Variants in HIVEP2 observed in about 807,000 individuals in gnomAD.
HIVEP2 encodes the protein HIVEP zinc finger 2.
A neutral mutation model predicts 180.7 loss-of-function variants in HIVEP2; 14 were observed. That is an observed-to-expected ratio of 0.08 (90% CI 0.05 to 0.12). HIVEP2 has a LOEUF of 0.12. Ranked by LOEUF, HIVEP2 falls within the 10% of genes least tolerant of loss-of-function variation. The probability of loss-of-function intolerance (pLI) is 1.00; values close to 1 mark genes in which losing one functional copy is unlikely to be tolerated. For synonymous variants in HIVEP2, 1,184 were observed against 1,136.4 expected, an observed-to-expected ratio of 1.04 and a Z score of -0.84; for missense variants, 2,579 against 3,008.5, an observed-to-expected ratio of 0.86 and a Z score of 3.34.
intron 1 of HIVEP2, among the ~76,000 whole-genome samples, chr6:142,907,601 C>A (rs1777299142): frequency 6.6e-6 from 1 of 152,196 alleles, no homozygotes; most frequent in Non-Finnish European, 1.5e-5. Context: ...TTTGCCTCTA[C>A]CCTACTCCAG....
rs1267654842 is a variant in HIVEP2 at position 142,770,845 on chromosome 6, T to A, written c.3894A>T (p.Pro1298=). The change falls in exon 5 of 10, where the codon CCA becomes CCT. Residue 1298 remains proline, a synonymous_variant. Coordinates refer to ENST00000367603, the MANE Select transcript of HIVEP2 (RefSeq NM_006734.4). The surrounding 1 kb of genome is among the most constrained non-coding windows in gnomAD (Gnocchi z 4.7). ...CAGTTGACTTACTGCTCTGGTCTGA[T>A]GGAAACTTTGGAAGAAGGTTCTTTG... ...LHPKNLLPKF[P]SDQSSKSTET... 6.2e-7 allele frequency: 1 copy of A among 1,614,120 alleles called. No individual in the cohort carries two copies. The highest frequency in any genetic ancestry group is 2.2e-5 in the East Asian group (1 of 44,890).
chr6:142,768,029 A>C (rs573072034), intron 6 of HIVEP2, among the ~76,000 whole-genome samples: 7 of 152,374 alleles, frequency 4.6e-5, no homozygotes, highest in African/African-American at 1.4e-4. Context: ...AGCATACAAT[A>C]AAAATATGTC....
At chr6:142,937,374 A>G (rs1427754293) in intron 1 of HIVEP2, among the ~76,000 whole-genome samples, 2 of 152,222 alleles carry the variant, frequency 1.3e-5, no homozygotes, top group Admixed American at 1.3e-4. Context: ...CATAGCTACC[A>G]GGTATTAAAC....
chr6:142,893,672 G>A (rs922288132), intron 1 of HIVEP2, among the ~76,000 whole-genome samples: 1 of 152,200 alleles, frequency 6.6e-6, no homozygotes, highest in African/African-American at 2.4e-5. Flanking sequence ...GGCATGAAGA[G>A]CAGTGGGAAC....
chr6:142,822,878 A>G lies in HIVEP2; in HGVS notation c.-528+14057T>C, dbSNP rs139097993. 4.8e-3 allele frequency among the ~76,000 whole-genome samples: 726 copies of G among 152,318 alleles called. 5 individuals carry two copies. Among genetic ancestry groups the G allele is most frequent in the African/African-American group, 0.016 (683 of 41,562 alleles). ...CTTGGAAATGAGTTACCCAAACACT[A>G]TCAAGCCCTACCAGCCTACAGGCAA... On this transcript the variant is annotated intron_variant, in intron 2 of 9. Transcript: ENST00000367603.
intron 2 of HIVEP2, among the ~76,000 whole-genome samples, chr6:142,785,309 CAAAAAAAAAAAAAAAAAAAAAAA>C (rs57458259): frequency 3.1e-5 from 2 of 65,370 alleles, no homozygotes; most frequent in African/African-American, 9.7e-5. Flanking sequence ...TGGCATTCCT[CAAAAAAAAAAAAAAAAAAAAAAA>C]AAAAAAAAAA....
chr6:142,814,932 T>C (rs752301655), intron 2 of HIVEP2, among the ~76,000 whole-genome samples: 12 of 152,132 alleles, frequency 7.9e-5, no homozygotes, highest in Admixed American at 1.3e-4. Context: ...GGGTAATTTA[T>C]AACAAGCAGA....
intron 6 of HIVEP2, 132 bp downstream of exon 6, chr6:142,768,250 G>A: frequency 1.2e-6 from 1 of 805,836 alleles, no homozygotes. Context: ...CCAGAGTTCA[G>A]AACTGTGAAT....
intron 9 of HIVEP2, among the ~76,000 whole-genome samples, chr6:142,757,727 C>T (rs1374375464): frequency 2.0e-5 from 3 of 152,068 alleles, no homozygotes; most frequent in African/African-American, 4.8e-5. Flanking sequence ...ATCAAAAAAA[C>T]TTGTACAAAC....
intron 1 of HIVEP2, among the ~76,000 whole-genome samples, chr6:142,861,137 T>G (rs1004226561): frequency 2.0e-5 from 3 of 152,164 alleles, no homozygotes; most frequent in African/African-American, 7.2e-5. Flanking sequence ...CTCAGCATAT[T>G]CAAATGCTGA....
chr6:142,900,981 T>C (rs1001904119), intron 1 of HIVEP2, among the ~76,000 whole-genome samples: 1 of 152,230 alleles, frequency 6.6e-6, no homozygotes, highest in Non-Finnish European at 1.5e-5. Context: ...TTTATACTTC[T>C]AACAGCAGAG....
chr6:142,939,525 A>C (rs1382313574), intron 1 of HIVEP2, among the ~76,000 whole-genome samples: 2 of 152,098 alleles, frequency 1.3e-5, no homozygotes, highest in Non-Finnish European at 2.9e-5. Flanking sequence ...CTCCCATCCC[A>C]GGTCAGAGTA....
intron 1 of HIVEP2, among the ~76,000 whole-genome samples, chr6:142,843,294 A>G (rs1281018946): frequency 6.6e-6 from 1 of 152,246 alleles, no homozygotes; most frequent in African/African-American, 2.4e-5. Flanking sequence ...AATTAAGAAC[A>G]CTTACTAGTT....
chr6:142,815,067 G>C (rs143716401), intron 2 of HIVEP2, among the ~76,000 whole-genome samples: 1 of 152,088 alleles, frequency 6.6e-6, no homozygotes, highest in African/African-American at 2.4e-5. Flanking sequence ...GACAAAGGGG[G>C]CTAACTAATC....
intron 1 of HIVEP2, among the ~76,000 whole-genome samples, chr6:142,909,201 A>T (rs1046104423): frequency 1.3e-5 from 2 of 152,204 alleles, no homozygotes; most frequent in South Asian, 4.1e-4. Context: ...AATCATTATG[A>T]TCTATTAAAG....
intron 1 of HIVEP2, among the ~76,000 whole-genome samples, chr6:142,845,750 G>A (rs995766482): frequency 5.3e-5 from 8 of 152,346 alleles, no homozygotes; most frequent in Admixed American, 2.6e-4. Context: ...TCAACTCGCC[G>A]GGTCGGTTCC....
chr6:142,845,558 T>G (rs764293113), intron 1 of HIVEP2, among the ~76,000 whole-genome samples: 2 of 152,220 alleles, frequency 1.3e-5, no homozygotes, highest in African/African-American at 2.4e-5. Flanking sequence ...CACATGGATA[T>G]TACCAGAAGT....
Position 142,759,811 on chromosome 6 carries a change from T to C in HIVEP2, c.6477A>G (p.Gly2159=), listed in dbSNP as rs1775175620. 12 of 1,611,656 alleles carry C rather than the reference T, an allele frequency of 7.4e-6. No homozygotes were observed. Among genetic ancestry groups the C allele is most frequent in the South Asian group, 1.1e-5 (1 of 90,530 alleles). Reference sequence around the variant, plus strand: ...CAATTGGCTCTGCTTGCAAATACTGTCCCATGGACAATGGTGGGTTATGGT... The same window carrying C: ...CAATTGGCTCTGCTTGCAAATACTGCCCCATGGACAATGGTGGGTTATGGT... ...ALYHNPPLSM[G]QYLQAEPIVL... is the part of the protein sequence containing the mutation. The change falls in exon 9 of 10, where the codon GGA becomes GGG. Residue 2159 remains glycine (G), a synonymous_variant. Coordinates refer to ENST00000367603, the MANE Select transcript of HIVEP2 (RefSeq NM_006734.4).
Position 142,772,536 on chromosome 6 carries a change from G to C in HIVEP2, c.2203C>G (p.Gln735Glu). 6.2e-7 allele frequency: 1 copy of C among 1,614,104 alleles called. No individual in the cohort carries two copies. The highest frequency in any genetic ancestry group is 1.1e-5 in the South Asian group (1 of 91,090). ...ASDYDPKLQM[Q>E]EGVRSGFAMA... ...GCAAATCCACTCCTGACTCCTTCCT[G>C]CATCTGCAGTTTGGGGTCATAATCG... Residue 735 changes from glutamine (Q) to glutamate (E), a missense_variant, in exon 5 of 10, where the codon CAG becomes GAG. Transcript: ENST00000367603. The surrounding 1 kb of genome is among the most constrained non-coding windows in gnomAD (Gnocchi z 4.9).
Sources: allele counts gnomAD v4.1 joint callset (sites outside exome capture counted in the v4.1 genomes callset), GRCh38; gene constraint gnomAD v4.1.1; non-coding constraint Gnocchi (gnomAD v3.1); transcripts MANE v1.5; gene names NCBI Gene and HGNC (gene_info 2026-07-23, HGNC 2026-07-21).